The following AKR1C8 variants were observed in gnomAD, a reference collection of about 807,000 sequenced individuals.
The protein encoded by AKR1C8 is aldo-keto reductase family 1 member C8.
chr10:5,127,605 G>GGCATGTGC, the AKR1C8 span, among the ~76,000 whole-genome samples: 30,470 of 151,324 alleles, frequency 0.2, 3,913 homozygotes, highest in East Asian at 0.63. Flanking sequence ...TGTAATCCCA[G>GGCATGTGC]CTACTCAGGA....
At chr10:5,147,107 T>C in the AKR1C8 span, among the ~76,000 whole-genome samples, 1 of 152,154 alleles carries the variant, frequency 6.6e-6, no homozygotes, top group African/African-American at 2.4e-5. Context: ...AAAGGAGACG[T>C]GGAGTTAGCA....
the AKR1C8 span, among the ~76,000 whole-genome samples, chr10:5,183,094 T>C: frequency 1.6e-4 from 25 of 152,184 alleles, no homozygotes; most frequent in Non-Finnish European, 2.9e-4. Context: ...CTAGTCTCAC[T>C]AATTATTTTT....
chr10:5,119,968 GAC>G, the AKR1C8 span, among the ~76,000 whole-genome samples: 4 of 152,192 alleles, frequency 2.6e-5, no homozygotes, highest in South Asian at 6.2e-4. Context: ...TCTGGCCATA[GAC>G]AGGCCCCAAA....
At chr10:5,174,104 A>T in the AKR1C8 span, among the ~76,000 whole-genome samples, 1 of 151,946 alleles carries the variant, frequency 6.6e-6, no homozygotes, top group Admixed American at 6.6e-5. Flanking sequence ...TTTGTCTTCC[A>T]ACTATACCTA....
At chr10:5,161,834 A>G in the AKR1C8 span, 1 of 534,718 alleles carries the variant, frequency 1.9e-6, no homozygotes, top group Non-Finnish European at 3.8e-6. Context: ...CTTGGGCATA[A>G]CAAGGAAAAA....
At chr10:5,146,520 T>C in the AKR1C8 span, among the ~76,000 whole-genome samples, 1 of 152,148 alleles carries the variant, frequency 6.6e-6, no homozygotes, top group Non-Finnish European at 1.5e-5. Context: ...TCTCGTAATA[T>C]AGAAAGTGCT....
the AKR1C8 span, among the ~76,000 whole-genome samples, chr10:5,165,757 G>T: frequency 6.6e-6 from 1 of 152,084 alleles, no homozygotes; most frequent in African/African-American, 2.4e-5. Flanking sequence ...AGACAGAGAT[G>T]GGGTTAAAAC....
the AKR1C8 span, among the ~76,000 whole-genome samples, chr10:5,122,472 G>A: frequency 6.6e-6 from 1 of 152,194 alleles, no homozygotes; most frequent in Non-Finnish European, 1.5e-5. Flanking sequence ...GGAAAAGAAA[G>A]TGTAGACACA....
At chr10:5,153,759 C>T in the AKR1C8 span, among the ~76,000 whole-genome samples, 2 of 152,208 alleles carry the variant, frequency 1.3e-5, no homozygotes, top group Admixed American at 6.5e-5. Flanking sequence ...CCCTATGATC[C>T]AATAACCTCC....
the AKR1C8 span, among the ~76,000 whole-genome samples, chr10:5,183,133 C>G: frequency 6.6e-6 from 1 of 152,038 alleles, no homozygotes; most frequent in Non-Finnish European, 1.5e-5. Flanking sequence ...TAGACTAACC[C>G]TACTTATTCT....
the AKR1C8 span, among the ~76,000 whole-genome samples, chr10:5,155,988 A>C: frequency 6.6e-6 from 1 of 152,170 alleles, no homozygotes; most frequent in African/African-American, 2.4e-5. Flanking sequence ...CACTTCTCAA[A>C]AGAAAGGTGT....
At chr10:5,155,648 G>A in the AKR1C8 span, 54 of 459,456 alleles carry the variant, frequency 1.2e-4, no homozygotes, top group South Asian at 8.8e-4. Flanking sequence ...AAAACAGCCT[G>A]TGAGAGAATC....
the AKR1C8 span, among the ~76,000 whole-genome samples, chr10:5,156,525 G>GATCTATCTATCT: frequency 0.071 from 10,062 of 141,008 alleles, 373 homozygotes; most frequent in African/African-American, 0.087. Flanking sequence ...GAAAGACTCA[G>GATCTATCTATCT]ATCTATCTAT....
the AKR1C8 span, chr10:5,162,040 A>G: frequency 2.1e-6 from 1 of 484,322 alleles, no homozygotes; most frequent in Non-Finnish European, 4.2e-6. Context: ...ATTAAACTTC[A>G]TGGTCAGACA....
At chr10:5,175,867 C>T in the AKR1C8 span, among the ~76,000 whole-genome samples, 2 of 152,030 alleles carry the variant, frequency 1.3e-5, no homozygotes, top group Admixed American at 1.3e-4. Context: ...ATTGTAGATT[C>T]TGGATATTAG....
the AKR1C8 span, among the ~76,000 whole-genome samples, chr10:5,175,237 G>C: frequency 6.8e-6 from 1 of 147,772 alleles, no homozygotes; most frequent in East Asian, 2.0e-4. Flanking sequence ...TTGGTTTTTT[G>C]TCCTTGCGAT....
the AKR1C8 span, among the ~76,000 whole-genome samples, chr10:5,152,044 G>A: frequency 1.3e-5 from 2 of 152,180 alleles, no homozygotes; most frequent in African/African-American, 2.4e-5. Context: ...CATTATTATT[G>A]TCATCTATAA....
chr10:5,124,182 G>T, the AKR1C8 span, among the ~76,000 whole-genome samples: 1 of 152,100 alleles, frequency 6.6e-6, no homozygotes, highest in African/African-American at 2.4e-5. Context: ...AGACTCATGA[G>T]GCCAGGTTTA....
the AKR1C8 span, among the ~76,000 whole-genome samples, chr10:5,125,966 G>A: frequency 0.032 from 4,811 of 152,278 alleles, 258 homozygotes; most frequent in African/African-American, 0.11. Context: ...TGGAAGGAGC[G>A]TCACATCAAG....
Sources: allele counts gnomAD v4.1 joint callset (sites outside exome capture counted in the v4.1 genomes callset), GRCh38; gene constraint gnomAD v4.1.1; transcripts MANE v1.5; gene names NCBI Gene and HGNC (gene_info 2026-07-23, HGNC 2026-07-21).